The following NHEJ1 variants were observed in gnomAD, a reference collection of about 807,000 sequenced individuals.
The protein encoded by NHEJ1 is non-homologous end-joining factor 1.
NHEJ1 carries 22 observed loss-of-function variants against 39.4 expected under a neutral mutation model. The ratio of observed to expected loss-of-function variants is 0.56; its 90% CI spans 0.40 to 0.80. The LOEUF is 0.80. Among genes scored for constraint, NHEJ1 ranks in the 30% least tolerant of loss-of-function variants. NHEJ1 has a pLI of 0.00. For missense variants in NHEJ1, 329 were observed against 357.1 expected, an observed-to-expected ratio of 0.92 and a Z score of 0.63; for synonymous variants, 154 against 135.6, an observed-to-expected ratio of 1.14 and a Z score of -0.94.
At chr2:219,142,021 C>G (rs1949696266) in intron 5 of NHEJ1, among the ~76,000 whole-genome samples, 1 of 152,188 alleles carries the variant, frequency 6.6e-6, no homozygotes, top group Admixed American at 6.5e-5. Flanking sequence ...GCTCTAGAAT[C>G]AGGCTGCAAC....
At chr2:219,137,391 T>C (rs1473040910) in intron 5 of NHEJ1, among the ~76,000 whole-genome samples, 2 of 151,944 alleles carry the variant, frequency 1.3e-5, no homozygotes, top group African/African-American at 2.4e-5. Flanking sequence ...ATCACCTTCA[T>C]ATGTCAATTC....
intron 5 of NHEJ1, among the ~76,000 whole-genome samples, chr2:219,104,839 A>C (rs1005459765): frequency 2.0e-5 from 3 of 152,250 alleles, no homozygotes; most frequent in African/African-American, 7.2e-5. Context: ...ACTCATTCCT[A>C]CTGTCAGCCT....
intron 3 of NHEJ1, among the ~76,000 whole-genome samples, chr2:219,151,520 T>C (rs1949795044): frequency 6.6e-6 from 1 of 152,240 alleles, no homozygotes; most frequent in Non-Finnish European, 1.5e-5. Context: ...TCAGTAAATA[T>C]TGTAACTGCT....
At chr2:219,095,097 T>C (rs1949193756) in intron 5 of NHEJ1, among the ~76,000 whole-genome samples, 2 of 152,018 alleles carry the variant, frequency 1.3e-5, no homozygotes. Context: ...CTGACCAAGG[T>C]ATGTGGAAGA....
At chr2:219,110,543 G>T (rs1302441270) in intron 5 of NHEJ1, among the ~76,000 whole-genome samples, 2 of 149,680 alleles carry the variant, frequency 1.3e-5, no homozygotes, top group Non-Finnish European at 3.0e-5. Context: ...AAGTAGAAAT[G>T]TGTGGTATAT....
chr2:219,108,865 G>T (rs943172985), intron 5 of NHEJ1, among the ~76,000 whole-genome samples: 1 of 152,142 alleles, frequency 6.6e-6, no homozygotes, highest in Non-Finnish European at 1.5e-5. Flanking sequence ...AAAAGACTCA[G>T]TGAAGCTTAC....
At chr2:219,132,058 G>C (rs939736936) in intron 5 of NHEJ1, among the ~76,000 whole-genome samples, 1 of 152,232 alleles carries the variant, frequency 6.6e-6, no homozygotes. Flanking sequence ...AAGTAAAAGA[G>C]AGTGGCTTGA....
At chr2:219,105,040 A>G (rs187103864) in intron 5 of NHEJ1, among the ~76,000 whole-genome samples, 16 of 152,320 alleles carry the variant, frequency 1.1e-4, no homozygotes, top group African/African-American at 3.4e-4. Flanking sequence ...GGTAAACCTG[A>G]TTATAGTTGA....
At chr2:219,131,235 A>G (rs1424262347) in intron 5 of NHEJ1, among the ~76,000 whole-genome samples, 7 of 152,208 alleles carry the variant, frequency 4.6e-5, no homozygotes, top group Non-Finnish European at 1.0e-4. Context: ...CTGTTCAGGT[A>G]GCACCTCCTG....
chr2:219,159,052 C>G (rs1949885427), intron 1 of NHEJ1: 1 of 153,136 alleles, frequency 6.5e-6, no homozygotes, highest in South Asian at 2.0e-4. Context: ...GAACCTGTGT[C>G]CAGGAGCAAC....
At chr2:219,076,539 T>G in intron 7 of NHEJ1, 84 bp from the exon 8 acceptor site, 2 of 922,316 alleles carry the variant, frequency 2.2e-6, no homozygotes, top group Non-Finnish European at 3.4e-6. Context: ...CTCTCATGGC[T>G]CCTGGTTAGG....
intron 4 of NHEJ1, 33 bp downstream of exon 4, chr2:219,147,624 C>T: frequency 6.2e-7 from 1 of 1,613,946 alleles, no homozygotes; most frequent in Non-Finnish European, 8.5e-7. Context: ...TTTTAACACG[C>T]CCCACCCAAC....
chr2:219,133,975 T>G (rs1218664071), intron 5 of NHEJ1, among the ~76,000 whole-genome samples: 1 of 152,240 alleles, frequency 6.6e-6, no homozygotes, highest in South Asian at 2.1e-4. Flanking sequence ...CAAACACATA[T>G]GCATCTTTCC....
intron 5 of NHEJ1, among the ~76,000 whole-genome samples, chr2:219,115,740 T>A (rs1949407746): frequency 6.6e-6 from 1 of 152,226 alleles, no homozygotes; most frequent in African/African-American, 2.4e-5. Context: ...ACAACTCATG[T>A]GGGCTGTCTC....
rs1223524036 is a variant in NHEJ1, at chr2:219,069,475, C to T, written c.*6906G>A. On this transcript the variant is annotated 3_prime_UTR_variant, in exon 8 of 8. Transcript: ENST00000356853. ...GATGACTCAGGGACTGGCCTGGCTC[C>T]TTTGGGTCATTCATCAAAGCCATTT... The T allele has an allele frequency of 6.6e-6, 1 of 152,214 alleles. No individual in the cohort carries two copies. The highest frequency in any genetic ancestry group is 1.5e-5 in the Non-Finnish European group (1 of 68,060). 9.4% of individuals were successfully genotyped at this position (152,214 alleles called of 1,614,324 possible).
intron 5 of NHEJ1, among the ~76,000 whole-genome samples, chr2:219,101,080 G>A (rs1279701552): frequency 6.6e-6 from 1 of 151,988 alleles, no homozygotes; most frequent in African/African-American, 2.4e-5. Flanking sequence ...CCTTTTTTGG[G>A]TAACAGTGTA....
At chr2:219,092,330 C>G (rs1330727478) in intron 5 of NHEJ1, among the ~76,000 whole-genome samples, 2 of 151,744 alleles carry the variant, frequency 1.3e-5, no homozygotes, top group Non-Finnish European at 2.9e-5. Flanking sequence ...CAAAGGAAAC[C>G]AATTAACTGA....
intron 3 of NHEJ1, among the ~76,000 whole-genome samples, chr2:219,151,217 T>G (rs1029226036): frequency 1.3e-5 from 2 of 151,748 alleles, no homozygotes; most frequent in Non-Finnish European, 2.9e-5. Flanking sequence ...ACAGTGAATA[T>G]TTGATGAGTT....
chr2:219,135,795 T>C lies in NHEJ1; in HGVS notation c.588+10885A>G, dbSNP rs140250729. Among the ~76,000 whole-genome samples, 234 of 152,286 alleles carry C rather than the reference T, an allele frequency of 1.5e-3. 5 individuals carry two copies. In the East Asian group the frequency reaches 0.04, roughly 26 times the overall value. On this transcript the variant is annotated intron_variant, in intron 5 of 7. Transcript: ENST00000356853. Reference sequence around the variant, plus strand: ...AGTTCAAGACCAGCCCTCGGCTACATAGTGAGATCCTGTCTCTTTTAGAAA... The same window carrying C: ...AGTTCAAGACCAGCCCTCGGCTACACAGTGAGATCCTGTCTCTTTTAGAAA...
Sources: allele counts gnomAD v4.1 joint callset (sites outside exome capture counted in the v4.1 genomes callset), GRCh38; gene constraint gnomAD v4.1.1; transcripts MANE v1.5; gene names NCBI Gene and HGNC (gene_info 2026-07-23, HGNC 2026-07-21).